The following NDST1 variants were observed in gnomAD, a reference collection of about 807,000 sequenced individuals.
NDST1 encodes the protein bifunctional heparan sulfate N-deacetylase/N-sulfotransferase 1.
Under a neutral mutation model 92.8 loss-of-function variants are expected in NDST1, and 35 were observed. The observed-to-expected ratio is 0.38, with a 90% CI of 0.29 to 0.50. NDST1 has a LOEUF of 0.50. Ranked by LOEUF, NDST1 falls within the 20% of genes least tolerant of loss-of-function variation. The probability of loss-of-function intolerance (pLI) is 0.94; values close to 1 mark genes in which losing one functional copy is unlikely to be tolerated. For synonymous variants in NDST1, 493 were observed against 500.3 expected, an observed-to-expected ratio of 0.99 and a Z score of 0.19; for missense variants, 822 against 1,182.7, an observed-to-expected ratio of 0.69 and a Z score of 4.47.
chr5:150,544,169 A>G (rs1351294572), intron 10 of NDST1, among the ~76,000 whole-genome samples: 20 of 152,234 alleles, frequency 1.3e-4, no homozygotes, highest in Admixed American at 1.0e-3. Flanking sequence ...TTCAGGTTTT[A>G]GAAAGGTAAT....
intron 1 of NDST1, among the ~76,000 whole-genome samples, chr5:150,514,066 A>C (rs921189908): frequency 1.3e-5 from 2 of 152,180 alleles, no homozygotes; most frequent in Non-Finnish European, 2.9e-5. Context: ...TTTGTGGCTG[A>C]GGTTCCCCTC....
intron 1 of NDST1, among the ~76,000 whole-genome samples, chr5:150,516,411 G>C (rs1202817075): frequency 6.6e-6 from 1 of 152,238 alleles, no homozygotes; most frequent in African/African-American, 2.4e-5. Context: ...GTGGTTCTGA[G>C]CATCTTATGT....
Position 150,520,856 on chromosome 5 carries a change from C to G in NDST1, c.-387-12C>G. 1 of 432,638 alleles carries G rather than the reference C, an allele frequency of 2.3e-6. No homozygotes were observed. 26.8% of individuals were successfully genotyped at this position (432,638 alleles called of 1,614,324 possible). A position where few individuals can be genotyped will look rare whatever the true frequency, so the allele number is the denominator to read the frequency against. ...CGCACTCTGACGCTCCTGTTCTCTC[C>G]ACTCTCCACAGCCTTAGCCCCGTGG... is the stretch of plus-strand genomic sequence containing the variant. On this transcript the variant is annotated splice_polypyrimidine_tract_variant and intron_variant, in intron 1 of 14. Coordinates refer to ENST00000261797, the MANE Select transcript of NDST1 (RefSeq NM_001543.5).
At chr5:150,540,318 C>T (rs975824278) in intron 8 of NDST1, 54 bp downstream of exon 8, 13 of 1,520,648 alleles carry the variant, frequency 8.5e-6, no homozygotes, top group Non-Finnish European at 1.2e-5. Flanking sequence ...CGCCACCACT[C>T]ACAGGCACAC....
chr5:150,516,853 A>G (rs374521275), intron 1 of NDST1, among the ~76,000 whole-genome samples: 1 of 152,056 alleles, frequency 6.6e-6, no homozygotes, highest in South Asian at 2.1e-4. Context: ...TTTAGTGGAG[A>G]TGGGGTTTCA....
At chr5:150,530,016 C>A (rs1304171123) in intron 3 of NDST1, among the ~76,000 whole-genome samples, 3 of 152,222 alleles carry the variant, frequency 2.0e-5, no homozygotes, top group African/African-American at 7.2e-5. Flanking sequence ...CCCTAATGAA[C>A]TAGGTGACTT....
In NDST1 at chr5:150,521,071, C is replaced by A; in HGVS notation, c.-184C>A. 3.2e-6 allele frequency: 2 copies of A among 616,842 alleles called. No individual in the cohort carries two copies. The highest frequency in any genetic ancestry group is 1.9e-5 in the South Asian group (1 of 51,352). 38.2% of individuals were successfully genotyped at this position (616,842 alleles called of 1,614,324 possible). A position where few individuals can be genotyped will look rare whatever the true frequency, so the allele number is the denominator to read the frequency against. On this transcript the variant is annotated 5_prime_UTR_variant, in exon 2 of 15. Coordinates refer to ENST00000261797, the MANE Select transcript of NDST1 (RefSeq NM_001543.5). The surrounding 1 kb of genome is among the most constrained non-coding windows in gnomAD (Gnocchi z 5.9). Reference sequence around the variant, plus strand: ...GAGCGTGACCAGCCTGTGGACTGCGCCCCTGGCTGGGAGGAAGGACTGGGG... The same window carrying A: ...GAGCGTGACCAGCCTGTGGACTGCGACCCTGGCTGGGAGGAAGGACTGGGG...
At chr5:150,542,486 A>G (rs550900269) in intron 9 of NDST1, among the ~76,000 whole-genome samples, 1 of 152,330 alleles carries the variant, frequency 6.6e-6, no homozygotes, top group African/African-American at 2.4e-5. Flanking sequence ...ACAGAGGCCC[A>G]GAGCTGGAAA....
chr5:150,548,544 A>G (rs1242076839), intron 12 of NDST1, among the ~76,000 whole-genome samples, 156 bp downstream of exon 12: 2 of 151,938 alleles, frequency 1.3e-5, no homozygotes, highest in Admixed American at 1.3e-4. Flanking sequence ...TATTATTATT[A>G]TTATTATTTT....
chr5:150,521,775 A>G lies in NDST1; in HGVS notation c.513+8A>G. The G allele has an allele frequency of 6.2e-7, 1 of 1,612,610 alleles. No individual in the cohort carries two copies. Among genetic ancestry groups the G allele is most frequent in the African/African-American group, 1.3e-5 (1 of 75,058 alleles). ...ATCATTGGCTTCTTCAAGGTACACA[A>G]GAAGCAGGGTCCCCGAGCAGTTCAG... On this transcript the variant is annotated splice_region_variant and intron_variant, in intron 2 of 14. Coordinates refer to ENST00000261797, the MANE Select transcript of NDST1 (RefSeq NM_001543.5). The surrounding 1 kb of genome is among the most constrained non-coding windows in gnomAD (Gnocchi z 5.9).
Position 150,534,919 on chromosome 5 carries a change from G to A in NDST1, c.1149G>A (p.Glu383=), listed in dbSNP as rs781640507. Residue 383 remains glutamate (E), a synonymous_variant, in exon 5 of 15, where the codon GAG becomes GAA. Transcript: ENST00000261797. ...ATCTGCTGCTGTCGTATGTGAAGGA[G>A]TTCTGGTGGTTCCCCCACATGTGGA... ...GDDLLLSYVK[E]FWWFPHMWSH... is the part of the protein sequence containing the mutation. 7.4e-6 allele frequency: 12 copies of A among 1,614,144 alleles called. No homozygotes were observed. In the Admixed American group the frequency reaches 1.3e-4, roughly 18 times the overall value.
chr5:150,534,749 ACT>A, intron 4 of NDST1, 116 bp from the exon 5 acceptor site: 1 of 1,234,924 alleles, frequency 8.1e-7, no homozygotes, highest in Non-Finnish European at 1.2e-6. Flanking sequence ...AGCCCAGATA[ACT>A]CTTCCAGGCA....
intron 11 of NDST1, 79 bp from the exon 12 acceptor site, chr5:150,548,139 C>G (rs532635816): frequency 6.4e-7 from 1 of 1,568,384 alleles, no homozygotes; most frequent in South Asian, 1.1e-5. Flanking sequence ...TTCTGGCCAC[C>G]TTGCGGGCTG....
chr5:150,527,738 G>T, intron 2 of NDST1, 66 bp from the exon 3 acceptor site: 1 of 1,602,940 alleles, frequency 6.2e-7, no homozygotes, highest in Non-Finnish European at 8.5e-7. Flanking sequence ...ACATGTGAGA[G>T]ACTGTGTCCT....
chr5:150,517,507 T>G (rs1378265019), intron 1 of NDST1, among the ~76,000 whole-genome samples: 9 of 152,112 alleles, frequency 5.9e-5, no homozygotes, highest in Non-Finnish European at 1.3e-4. Flanking sequence ...GAGTCCATAG[T>G]TTACTTTCGG....
Position 150,535,887 on chromosome 5 carries a change from T to G in NDST1, c.1437+2T>G. 1 of 1,613,006 alleles carries G rather than the reference T, an allele frequency of 6.2e-7. No individual in the cohort carries two copies. Among genetic ancestry groups the G allele is most frequent in the Non-Finnish European group, 8.5e-7 (1 of 1,179,480 alleles). The stretch of plus-strand genomic sequence containing the variant: ...GGCTTCATCCACAATGGCATCATGG[T>G]GAGTGGGCCCCTGGAAGCCCAGGAG... On this transcript the variant is annotated splice_donor_variant, in intron 6 of 14. Coordinates refer to ENST00000261797, the MANE Select transcript of NDST1 (RefSeq NM_001543.5). LOFTEE classifies it high-confidence loss of function.
At chr5:150,518,632 C>T (rs1255120755) in intron 1 of NDST1, among the ~76,000 whole-genome samples, 1 of 152,198 alleles carries the variant, frequency 6.6e-6, no homozygotes. Context: ...AAATATTTAA[C>T]TAAATTATGA....
At position 150,532,936 on chromosome 5, in the gene NDST1, C is replaced by T. The variant is rs771523407; in HGVS notation, c.1009-9C>T. The T allele has an allele frequency of 6.2e-7, 1 of 1,613,886 alleles. No individual in the cohort carries two copies. The highest frequency in any genetic ancestry group is 2.2e-5 in the East Asian group (1 of 44,884). The stretch of plus-strand genomic sequence containing the variant: ...CCTCACTCATTCCTTTCTCCCCTGC[C>T]TGTCCTAGGCCCTGTTTGACACACA... On this transcript the variant is annotated splice_polypyrimidine_tract_variant and intron_variant, in intron 3 of 14. Transcript: ENST00000261797.
chr5:150,539,072 G>C (rs762940382), intron 6 of NDST1, among the ~76,000 whole-genome samples, 156 bp from the exon 7 acceptor site: 1 of 152,218 alleles, frequency 6.6e-6, no homozygotes, highest in South Asian at 2.1e-4. Flanking sequence ...TGGGGGGAAC[G>C]CTGTGCTGTA....
Sources: allele counts gnomAD v4.1 joint callset (sites outside exome capture counted in the v4.1 genomes callset), GRCh38; gene constraint gnomAD v4.1.1; non-coding constraint Gnocchi (gnomAD v3.1); transcripts MANE v1.5; gene names NCBI Gene and HGNC (gene_info 2026-07-23, HGNC 2026-07-21).